MAP2K5: variants seen among roughly 807,000 people sequenced by gnomAD.
MAP2K5 encodes the protein mitogen-activated protein kinase kinase 5, also known as dual specificity mitogen-activated protein kinase kinase 5.
MAP2K5 carries 49 observed loss-of-function variants against 83.1 expected under a neutral mutation model. The ratio of observed to expected loss-of-function variants is 0.59; its 90% CI spans 0.47 to 0.75. The LOEUF (loss-of-function observed/expected upper bound fraction) is 0.75, where lower values mean the gene tolerates loss of function less well. MAP2K5 is among the 30% of genes least tolerant of loss of function. The pLI, the probability that MAP2K5 is intolerant of heterozygous loss-of-function variation, is 0.00. For synonymous variants in MAP2K5, 202 were observed against 191.8 expected (o/e 1.05, Z -0.44); for missense variants, 457 against 557.5 (o/e 0.82, Z 1.82).
At chr15:67,650,414 A>G (rs1326163336) in intron 11 of MAP2K5, among the ~76,000 whole-genome samples, 1 of 151,780 alleles carries the variant, frequency 6.6e-6, no homozygotes, top group Non-Finnish European at 1.5e-5. Context: ...TTAGAGGGAG[A>G]GCTTTCAGTC....
chr15:67,635,953 T>A (rs972595646), intron 9 of MAP2K5, among the ~76,000 whole-genome samples: 2 of 152,218 alleles, frequency 1.3e-5, no homozygotes, highest in African/African-American at 4.8e-5. Context: ...TGTTTAAAAC[T>A]TCCTCTGCTT....
chr15:67,671,906 T>C (rs1429744918), intron 13 of MAP2K5, among the ~76,000 whole-genome samples: 6 of 148,268 alleles, frequency 4.0e-5, no homozygotes, highest in Non-Finnish European at 8.9e-5. Context: ...AGTGAAAACA[T>C]GTGGTGTTTG....
Position 67,761,665 on chromosome 15 carries a change from G to A in MAP2K5, c.1135-7937G>A, listed in dbSNP as rs574552981. Among the ~76,000 whole-genome samples, 7 of 152,230 alleles carry A rather than the reference G, an allele frequency of 4.6e-5. No homozygotes were observed. The East Asian group carries it at 7.7e-4, about 17-fold the overall frequency. ...ATGGCTTGTTGGTTTTTCAGGACACGGACCTGCCAGGTTCCTGTACTTCAA... is the reference window on the plus strand; with the variant it reads ...ATGGCTTGTTGGTTTTTCAGGACACAGACCTGCCAGGTTCCTGTACTTCAA... On this transcript the variant is annotated intron_variant, in intron 19 of 21. Transcript: ENST00000178640.
Position 67,543,167 on chromosome 15 carries a change from G to A in MAP2K5, c.-169G>A, listed in dbSNP as rs2084327910. 4 of 656,112 alleles carry A rather than the reference G, an allele frequency of 6.1e-6. No individual in the cohort carries two copies. The South Asian group carries it at 7.7e-5, about 13-fold the overall frequency. The allele number at this position is 656,112 out of a possible 1,614,324, so 40.6% of individuals were successfully genotyped here. A position where few individuals can be genotyped will look rare whatever the true frequency, so the allele number is the denominator to read the frequency against. ...AGCCTGGGCAGGCTCGGTGCCTGCGGGTGCGTTCCTGATCACCCCTCCCCT... is the reference window on the plus strand; with the variant it reads ...AGCCTGGGCAGGCTCGGTGCCTGCGAGTGCGTTCCTGATCACCCCTCCCCT... On this transcript the variant is annotated 5_prime_UTR_variant, in exon 1 of 22. Coordinates refer to ENST00000178640, the MANE Select transcript of MAP2K5 (RefSeq NM_145160.3). The surrounding 1 kb of genome is among the most constrained non-coding windows in gnomAD (Gnocchi z 4.3).
At chr15:67,595,922 C>T (rs576075152) in intron 7 of MAP2K5, among the ~76,000 whole-genome samples, 32 of 151,622 alleles carry the variant, frequency 2.1e-4, no homozygotes, top group African/African-American at 7.3e-4. Flanking sequence ...AAAAAGTGCA[C>T]AGTTACTCCA....
rs1404671176 is a variant in MAP2K5, at chr15:67,628,584, C to T, written c.546-2304C>T. On this transcript the variant is annotated intron_variant, in intron 8 of 21. Coordinates refer to ENST00000178640, the MANE Select transcript of MAP2K5 (RefSeq NM_145160.3). Reference sequence around the variant, plus strand: ...TTGAAGTGATTGAAATCATGACTGACCAAGGCAGTGGCAAGAAAAGGGGCT... The same window carrying T: ...TTGAAGTGATTGAAATCATGACTGATCAAGGCAGTGGCAAGAAAAGGGGCT... The T allele has an allele frequency of 4.0e-6, 5 of 1,250,068 alleles. No individual in the cohort carries two copies. The South Asian group carries it at 4.8e-5, about 12-fold the overall frequency. The allele number at this position is 1,250,068 out of a possible 1,614,324, so 77.4% of individuals were successfully genotyped here. A position where few individuals can be genotyped will look rare whatever the true frequency, so the allele number is the denominator to read the frequency against.
chr15:67,762,355 A>G (rs2089964621), intron 19 of MAP2K5, among the ~76,000 whole-genome samples: 1 of 152,204 alleles, frequency 6.6e-6, no homozygotes, highest in African/African-American at 2.4e-5. Flanking sequence ...GCTGTGCACT[A>G]TGGCTGATGA....
At position 67,665,468 on chromosome 15, in the gene MAP2K5, A is replaced by G. The variant is rs2087352091; in HGVS notation, c.847+823A>G. On this transcript the variant is annotated intron_variant, in intron 13 of 21. Transcript: ENST00000178640. The surrounding 1 kb of genome is among the most constrained non-coding windows in gnomAD (Gnocchi z 4.2). ...GTACATTTGGGGAATGGAACAGCATACACATTAGATGTGACTAAAGGAAAG... is the reference window on the plus strand; with the variant it reads ...GTACATTTGGGGAATGGAACAGCATGCACATTAGATGTGACTAAAGGAAAG... Among the ~76,000 whole-genome samples the G allele has an allele frequency of 6.6e-6, 1 of 152,216 alleles. No individual in the cohort carries two copies. Among genetic ancestry groups the G allele is most frequent in the Admixed American group, 6.5e-5 (1 of 15,280 alleles).
intron 7 of MAP2K5, among the ~76,000 whole-genome samples, chr15:67,593,387 G>A (rs990472448): frequency 1.3e-5 from 2 of 152,182 alleles, no homozygotes; most frequent in African/African-American, 2.4e-5. Context: ...GGGAGGCAGA[G>A]TGACAGCAGA....
At chr15:67,733,013 G>T (rs2089256687) in intron 17 of MAP2K5, among the ~76,000 whole-genome samples, 1 of 152,146 alleles carries the variant, frequency 6.6e-6, no homozygotes, top group African/African-American at 2.4e-5. Flanking sequence ...TTACATTTGG[G>T]GCTTTGCAAG....
In MAP2K5 at chr15:67,802,085, C is replaced by T. The variant is rs2090716820; in HGVS notation, c.1243-4561C>T. ...GCCCACAAGATGAGCACACCAAGCC[C>T]TGCCCCCTGCCTCCACGTGGGAGGG... is the stretch of plus-strand genomic sequence containing the variant. On this transcript the variant is annotated intron_variant, in intron 21 of 21. Transcript: ENST00000178640. This position sits in a 1 kb window ranked among gnomAD's most constrained non-coding sequence, Gnocchi z 5.0. Among the ~76,000 whole-genome samples the T allele has an allele frequency of 6.6e-6, 1 of 152,210 alleles. No homozygotes were observed. The highest frequency in any genetic ancestry group is 1.5e-5 in the Non-Finnish European group (1 of 68,046).
rs12050871 is a variant in MAP2K5, at chr15:67,794,881, C to T, written c.1243-11765C>T. On this transcript the variant is annotated intron_variant, in intron 21 of 21. Transcript: ENST00000178640. The surrounding 1 kb of genome is among the most constrained non-coding windows in gnomAD (Gnocchi z 4.6). ...GTAGCAGCCTTTACTTAATTGGCTG[C>T]TTCTTGAAATAAGATGAGACAATAG... Among the ~76,000 whole-genome samples, 20,942 of 152,206 alleles carry T rather than the reference C, an allele frequency of 0.14. 1,491 individuals are homozygous for T. The highest frequency in any genetic ancestry group is 0.16 in the East Asian group (824 of 5,188).
chr15:67,681,837 T>A (rs2141185446), intron 13 of MAP2K5, among the ~76,000 whole-genome samples: 1 of 152,338 alleles, frequency 6.6e-6, no homozygotes, highest in African/African-American at 2.4e-5. Context: ...TTAAAATCAA[T>A]GCCCTAGTAT....
At position 67,754,369 on chromosome 15, in the gene MAP2K5, C is replaced by T. The variant is rs184345501; in HGVS notation, c.1134+5768C>T. On this transcript the variant is annotated intron_variant, in intron 19 of 21. Transcript: ENST00000178640. ...GGCTTCAGCAGAAGAAAAGAGAAGA[C>T]ACACTTAAACCACATTCCATTTCGT... Among the ~76,000 whole-genome samples, 480 of 152,300 alleles carry T rather than the reference C, an allele frequency of 3.2e-3. 2 individuals carry two copies. Among genetic ancestry groups the T allele is most frequent in the African/African-American group, 0.011 (457 of 41,572 alleles).
intron 3 of MAP2K5, 62 bp from the exon 4 acceptor site, chr15:67,580,692 A>G (rs951767482): frequency 6.6e-5 from 68 of 1,034,760 alleles, no homozygotes; most frequent in Middle Eastern, 5.1e-4. Flanking sequence ...TAAACAACCC[A>G]TAAGTGTCTG....
At chr15:67,627,187 G>C (rs2086345612) in intron 8 of MAP2K5, among the ~76,000 whole-genome samples, 1 of 152,102 alleles carries the variant, frequency 6.6e-6, no homozygotes, top group South Asian at 2.1e-4. Flanking sequence ...GGGTTCAAGT[G>C]ATCCTCCTGC....
chr15:67,675,791 C>G (rs2087665051), intron 13 of MAP2K5, among the ~76,000 whole-genome samples: 1 of 152,188 alleles, frequency 6.6e-6, no homozygotes, highest in South Asian at 2.1e-4. Flanking sequence ...TAGTTTTTCT[C>G]TCTCCCATGC....
chr15:67,760,217 A>G lies in MAP2K5; in HGVS notation c.1135-9385A>G, dbSNP rs2089923027. On this transcript the variant is annotated intron_variant, in intron 19 of 21. Transcript: ENST00000178640. The surrounding 1 kb of genome is among the most constrained non-coding windows in gnomAD (Gnocchi z 4.1). ...TAACATTCTACCAAAACACAGCAGTAATCCAAAAGTTAATGTTCTGTTCAC... is the reference window on the plus strand; with the variant it reads ...TAACATTCTACCAAAACACAGCAGTGATCCAAAAGTTAATGTTCTGTTCAC... Among the ~76,000 whole-genome samples the G allele has an allele frequency of 6.6e-6, 1 of 152,238 alleles. No homozygotes were observed. The highest frequency in any genetic ancestry group is 1.5e-5 in the Non-Finnish European group (1 of 68,046).
At chr15:67,737,134 T>C (rs1445458634) in intron 17 of MAP2K5, among the ~76,000 whole-genome samples, 1 of 152,152 alleles carries the variant, frequency 6.6e-6, no homozygotes, top group African/African-American at 2.4e-5. Context: ...TACACACATA[T>C]CCACTCAAGT....
Sources: gnomAD v4.1 joint callset for allele counts (sites outside exome capture counted in the v4.1 genomes callset) on GRCh38, gnomAD v4.1.1 for gene constraint, Gnocchi (gnomAD v3.1) non-coding constraint, MANE v1.5 for transcripts, NCBI Gene and HGNC (gene_info 2026-07-23, HGNC 2026-07-21) for gene names.